Variants in TMTC2 observed in about 807,000 individuals in gnomAD.
TMTC2 encodes the protein transmembrane O-mannosyltransferase targeting cadherins 2.
Under a neutral mutation model 82.4 loss-of-function variants are expected in TMTC2, and 43 were observed. The ratio of observed to expected loss-of-function variants is 0.52; its 90% CI spans 0.41 to 0.67. The LOEUF is 0.67. Among genes scored for constraint, TMTC2 ranks in the 30% least tolerant of loss-of-function variants. The pLI, the probability that TMTC2 is intolerant of heterozygous loss-of-function variation, is 0.00. For missense variants in TMTC2, 919 were observed against 1,012.4 expected (o/e 0.91, Z 1.25); for synonymous variants, 408 against 381.9 (o/e 1.07, Z -0.80).
At chr12:82,849,971 A>G (rs1466938185) in intron 1 of TMTC2, among the ~76,000 whole-genome samples, 2 of 152,112 alleles carry the variant, frequency 1.3e-5, no homozygotes, top group East Asian at 1.9e-4. Flanking sequence ...AGTTGGTACC[A>G]TATTGACTCC....
intron 2 of TMTC2, among the ~76,000 whole-genome samples, chr12:82,868,843 T>G (rs1872019243): frequency 6.6e-6 from 1 of 151,892 alleles, no homozygotes; most frequent in Non-Finnish European, 1.5e-5. Flanking sequence ...AGTCTGGCTT[T>G]GTTGTTGTTG....
At chr12:82,808,626 G>A (rs1592538799) in intron 1 of TMTC2, among the ~76,000 whole-genome samples, 3 of 152,092 alleles carry the variant, frequency 2.0e-5, no homozygotes, top group Admixed American at 2.0e-4. Flanking sequence ...ATGCCAGGAG[G>A]CCCTCTATTG....
Position 83,024,897 on chromosome 12 carries a change from A to G in TMTC2, c.2071-5901A>G, listed in dbSNP as rs73366170. Among the ~76,000 whole-genome samples the G allele has an allele frequency of 2.0e-3, 311 of 152,330 alleles. 2 individuals are homozygous for G. The highest frequency in any genetic ancestry group is 7.3e-3 in the African/African-American group (304 of 41,578). The stretch of plus-strand genomic sequence containing the variant: ...TAGTAACTATAAACTATTAAGTTAT[A>G]TAAAGAAAATAGGGCCATACATGGT... On this transcript the variant is annotated intron_variant, in intron 8 of 11. Transcript: ENST00000321196.
chr12:82,699,923 A>G (rs1872991993), intron 1 of TMTC2, among the ~76,000 whole-genome samples: 1 of 152,192 alleles, frequency 6.6e-6, no homozygotes, highest in South Asian at 2.1e-4. Flanking sequence ...GAACATGTAC[A>G]GATTTTTTAT....
intron 4 of TMTC2, among the ~76,000 whole-genome samples, chr12:82,963,347 A>G (rs2137299079): frequency 1.3e-5 from 2 of 152,074 alleles, no homozygotes; most frequent in South Asian, 4.1e-4. Flanking sequence ...AGAGGGGTTG[A>G]TTGAAGGATT....
At chr12:82,778,666 G>A (rs1483076318) in intron 1 of TMTC2, among the ~76,000 whole-genome samples, 1 of 151,678 alleles carries the variant, frequency 6.6e-6, no homozygotes, top group African/African-American at 2.4e-5. Flanking sequence ...CGGCTAAAAC[G>A]GTGAAACCCC....
At chr12:82,786,553 G>C (rs1254973879) in intron 1 of TMTC2, among the ~76,000 whole-genome samples, 1 of 152,110 alleles carries the variant, frequency 6.6e-6, no homozygotes, top group Non-Finnish European at 1.5e-5. Context: ...AAATATATTT[G>C]ATTAAATTTG....
At chr12:82,811,279 C>T (rs1056641793) in intron 1 of TMTC2, among the ~76,000 whole-genome samples, 1 of 151,978 alleles carries the variant, frequency 6.6e-6, no homozygotes, top group African/African-American at 2.4e-5. Context: ...CAGTCTTGGG[C>T]AGTTCTTTAT....
intron 4 of TMTC2, among the ~76,000 whole-genome samples, chr12:82,937,764 A>G (rs1464970873): frequency 0.011 from 199 of 18,674 alleles, 4 homozygotes; most frequent in African/African-American, 0.032. Context: ...ATATATATAT[A>G]TATATATATA....
At chr12:82,992,343 G>C (rs1215237679) in intron 8 of TMTC2, among the ~76,000 whole-genome samples, 1 of 152,052 alleles carries the variant, frequency 6.6e-6, no homozygotes, top group Non-Finnish European at 1.5e-5. Flanking sequence ...TTTTTTGTTT[G>C]TTTGTTTATT....
intron 4 of TMTC2, among the ~76,000 whole-genome samples, chr12:82,947,372 C>T (rs1002916977): frequency 4.2e-5 from 6 of 142,888 alleles, no homozygotes; most frequent in Admixed American, 1.4e-4. Flanking sequence ...GACGGAGTCT[C>T]GCTCTTGTCG....
intron 2 of TMTC2, among the ~76,000 whole-genome samples, chr12:82,871,378 T>TTTC (rs1311026927): frequency 1.3e-5 from 2 of 152,036 alleles, no homozygotes; most frequent in African/African-American, 2.4e-5. Flanking sequence ...TTTTTTTTTT[T>TTTC]CACATTACTT....
chr12:82,689,885 G>A (rs1293629300), intron 1 of TMTC2, among the ~76,000 whole-genome samples: 1 of 152,196 alleles, frequency 6.6e-6, no homozygotes, highest in Non-Finnish European at 1.5e-5. Context: ...AAAATATTGA[G>A]GGCCTGTAAC....
chr12:82,972,385 G>A (rs183510841), intron 7 of TMTC2, among the ~76,000 whole-genome samples: 2 of 152,084 alleles, frequency 1.3e-5, no homozygotes, highest in Non-Finnish European at 2.9e-5. Flanking sequence ...TACTTACACA[G>A]ATTTGAAATT....
intron 8 of TMTC2, among the ~76,000 whole-genome samples, chr12:83,017,871 G>T (rs1282604983): frequency 6.6e-6 from 1 of 150,936 alleles, no homozygotes; most frequent in East Asian, 1.9e-4. Flanking sequence ...TATCTTTACG[G>T]TGTCAGAACC....
chr12:82,809,299 C>G (rs1879383935), intron 1 of TMTC2, among the ~76,000 whole-genome samples: 1 of 151,976 alleles, frequency 6.6e-6, no homozygotes, highest in South Asian at 2.1e-4. Context: ...ATCTACAGAT[C>G]TTGCATTGCA....
intron 4 of TMTC2, among the ~76,000 whole-genome samples, chr12:82,963,910 G>A (rs1592660943): frequency 7.0e-6 from 1 of 142,970 alleles, no homozygotes; most frequent in African/African-American, 2.6e-5. Context: ...TAGCAACTAT[G>A]AGAAATAATG....
chr12:82,692,087 T>G (rs1295983408), intron 1 of TMTC2, among the ~76,000 whole-genome samples: 1 of 152,220 alleles, frequency 6.6e-6, no homozygotes, highest in African/African-American at 2.4e-5. Flanking sequence ...TATGAACCGC[T>G]TTACCTCCAT....
intron 10 of TMTC2, among the ~76,000 whole-genome samples, chr12:83,055,630 T>A (rs1207715442): frequency 6.6e-6 from 1 of 151,972 alleles, no homozygotes; most frequent in Non-Finnish European, 1.5e-5. Context: ...AGATACTTGA[T>A]ATCTGAGAGG....
Sources: gnomAD v4.1 joint callset for allele counts (sites outside exome capture counted in the v4.1 genomes callset) on GRCh38, gnomAD v4.1.1 for gene constraint, MANE v1.5 for transcripts, NCBI Gene and HGNC (gene_info 2026-07-23, HGNC 2026-07-21) for gene names.